Variants in TMEM210 observed in about 807,000 individuals in gnomAD.
TMEM210 encodes transmembrane protein 210.
Under a neutral mutation model 10.3 loss-of-function variants are expected in TMEM210, and 7 were observed. The observed-to-expected ratio is 0.68, with a 90% CI of 0.39 to 1.28. The LOEUF (loss-of-function observed/expected upper bound fraction) is 1.28, where lower values mean the gene tolerates loss of function less well. Ranked by LOEUF, TMEM210 falls within the 50% of genes most tolerant of loss-of-function variation. The pLI is 0.01. For missense variants in TMEM210, 185 were observed against 197.8 expected (o/e 0.94, Z 0.39); for synonymous variants, 79 against 81.2 (o/e 0.97, Z 0.14).
Position 137,171,666 on chromosome 9 carries a change from C to T in TMEM210, c.199G>A (p.Ala67Thr). Residue 67 changes from alanine to threonine, a missense_variant, in exon 2 of 4, where the codon GCA becomes ACA. Physicochemically the swap from Ala to Thr is moderately conservative, Grantham distance 58 (BLOSUM62 0). Coordinates refer to ENST00000413619, the MANE Select transcript of TMEM210 (RefSeq NM_001282477.2). ...ASCFCALVIV[A>T]IGVLRAKGET... ...CCCTTGGCCCGCAAGACACCAATTGCCACGATGACGAGGGCACAGAAGCAG... is the reference window on the plus strand; with the variant it reads ...CCCTTGGCCCGCAAGACACCAATTGTCACGATGACGAGGGCACAGAAGCAG... 6.5e-7 allele frequency: 1 copy of T among 1,535,248 alleles called. No individual in the cohort carries two copies. The highest frequency in any genetic ancestry group is 8.7e-7 in the Non-Finnish European group (1 of 1,146,414).
Position 137,171,720 on chromosome 9 carries a change from G to A in TMEM210, c.145C>T (p.Leu49Phe). Residue 49 changes from leucine to phenylalanine, a missense_variant, in exon 2 of 4, where the codon CTT becomes TTT. Coordinates refer to ENST00000413619, the MANE Select transcript of TMEM210 (RefSeq NM_001282477.2). ...GLSREALIAL[L>F]VVLAGISASC... Reference sequence around the variant, plus strand: ...GCACTGATGCCCGCCAGCACCACAAGGAGGGCGATGAGGGCCTCGCGGCTG... The same window carrying A: ...GCACTGATGCCCGCCAGCACCACAAAGAGGGCGATGAGGGCCTCGCGGCTG... 6.5e-7 allele frequency: 1 copy of A among 1,535,518 alleles called. No homozygotes were observed. Among genetic ancestry groups the A allele is most frequent in the Non-Finnish European group, 8.7e-7 (1 of 1,146,594 alleles).
intron 1 of TMEM210, 50 bp downstream of exon 1, chr9:137,171,890 G>T: frequency 1.4e-6 from 2 of 1,434,110 alleles, no homozygotes; most frequent in South Asian, 1.5e-5. Flanking sequence ...ACCTTGCCTG[G>T]GGAAGGGGAG....
rs545313323 is a variant in TMEM210, at chr9:137,171,881, C to A, written c.88+59G>T. 19 of 1,434,172 alleles carry A rather than the reference C, an allele frequency of 1.3e-5. No individual in the cohort carries two copies. In the Admixed American group the frequency reaches 4.0e-4, roughly 30 times the overall value. 88.8% of individuals were successfully genotyped at this position (1,434,172 alleles called of 1,614,324 possible). A position where few individuals can be genotyped will look rare whatever the true frequency, so the allele number is the denominator to read the frequency against. On this transcript the variant is annotated intron_variant, in intron 1 of 3. Transcript: ENST00000413619. ...CACCAGAAGGACACCAGAGCTCCCA[C>A]CTTGCCTGGGGAAGGGGAGCCATGG... is the stretch of plus-strand genomic sequence containing the variant.
Position 137,171,062 on chromosome 9 carries a change from T to A in TMEM210, c.357A>T (p.Pro119=). ...CCACAAGGCTCTGATCCTCTAGTGG[T>A]GGCACCAGGGAGACCTCCAGGTCAG... ...MDADLEVSLV[P]PLEDQSLVAI... The change falls in exon 4 of 4, where the codon CCA becomes CCT. Residue 119 remains proline (P), a synonymous_variant. Transcript: ENST00000413619. 1 of 1,535,330 alleles carries A rather than the reference T, an allele frequency of 6.5e-7. No homozygotes were observed. The highest frequency in any genetic ancestry group is 1.4e-5 in the African/African-American group (1 of 73,076).
intron 1 of TMEM210, 65 bp from the exon 2 acceptor site, chr9:137,171,841 C>G (rs1834115393): frequency 6.9e-7 from 1 of 1,454,938 alleles, no homozygotes; most frequent in Non-Finnish European, 9.1e-7. Context: ...CCAAGTCTGC[C>G]CCTGCCCTGG....
In TMEM210 at chr9:137,171,155, C is replaced by A. The variant is rs904227892; in HGVS notation, c.264G>T (p.Glu88Asp). The change falls in exon 4 of 4, where the codon GAG (glutamate) becomes GAT (aspartate). Residue 88 changes from glutamate to aspartate, a missense_variant. Physicochemically the swap from Glu to Asp is conservative, Grantham distance 45. Coordinates refer to ENST00000413619, the MANE Select transcript of TMEM210 (RefSeq NM_001282477.2). Reference protein sequence around the residue: ...CPRQVDNRLVENFGVQEDLMD... With the variant: ...CPRQVDNRLVDNFGVQEDLMD... ...TGAGATCTTCCTGGACCCCAAAATT[C>A]TCCACCAACCTGCATGACGGGCCGG... 6 of 1,534,744 alleles carry A rather than the reference C, an allele frequency of 3.9e-6. No individual in the cohort carries two copies. The Admixed American group carries it at 7.9e-5, about 20-fold the overall frequency.
chr9:137,171,899 A>G (rs1436055659), intron 1 of TMEM210, 41 bp downstream of exon 1: 3 of 1,433,792 alleles, frequency 2.1e-6, no homozygotes, highest in Non-Finnish European at 2.7e-6. Flanking sequence ...GGGGAAGGGG[A>G]GCCATGGCTG....
Position 137,171,692 on chromosome 9 carries a change from C to G in TMEM210, c.173G>C (p.Ser58Thr), listed in dbSNP as rs1834111544. Residue 58 changes from serine to threonine, a missense_variant, in exon 2 of 4, where the codon AGC becomes ACC. Coordinates refer to ENST00000413619, the MANE Select transcript of TMEM210 (RefSeq NM_001282477.2). ...LLVVLAGISASCFCALVIVAI... is the reference protein window; with the variant it reads ...LLVVLAGISATCFCALVIVAI... The stretch of plus-strand genomic sequence containing the variant: ...CACGATGACGAGGGCACAGAAGCAG[C>G]TGGCACTGATGCCCGCCAGCACCAC... 6.5e-7 allele frequency: 1 copy of G among 1,535,578 alleles called. No individual in the cohort carries two copies. Among genetic ancestry groups the G allele is most frequent in the Non-Finnish European group, 8.7e-7 (1 of 1,146,608 alleles).
intron 2 of TMEM210, 90 bp from the exon 3 acceptor site, chr9:137,171,533 C>T: frequency 6.5e-7 from 1 of 1,534,060 alleles, no homozygotes; most frequent in Non-Finnish European, 8.7e-7. Flanking sequence ...CATTCCTACC[C>T]CAGGTGACAG....
intron 3 of TMEM210, 21 bp downstream of exon 3, chr9:137,171,393 G>C (rs569633957): frequency 2.0e-6 from 3 of 1,535,250 alleles, no homozygotes; most frequent in Middle Eastern, 1.7e-4. Context: ...TGCCTCCCTC[G>C]AGGGCCTCCC....
At chr9:137,171,852 T>G in intron 1 of TMEM210, 76 bp from the exon 2 acceptor site, 1 of 1,446,754 alleles carries the variant, frequency 6.9e-7, no homozygotes. Context: ...CCTGCCCTGG[T>G]AGCCACCAGA....
At chr9:137,171,246 C>T (rs1834101050) in intron 3 of TMEM210, 82 bp from the exon 4 acceptor site, 5 of 1,482,690 alleles carry the variant, frequency 3.4e-6, no homozygotes, top group Non-Finnish European at 4.5e-6. Flanking sequence ...AGTGCACCCC[C>T]ACAAAGGGCC....
chr9:137,171,004 G>A lies in TMEM210; in HGVS notation c.415C>T (p.Pro139Ser), dbSNP rs564474749. 2 of 1,534,834 alleles carry A rather than the reference G, an allele frequency of 1.3e-6. No homozygotes were observed. The highest frequency in any genetic ancestry group is 2.7e-5 in the African/African-American group (2 of 73,082). Residue 139 changes from proline (P) to serine (S), a missense_variant, in exon 4 of 4, where the codon CCA becomes TCA. Coordinates refer to ENST00000413619, the MANE Select transcript of TMEM210 (RefSeq NM_001282477.2). Reference protein sequence around the residue: ...IPMEASSEEPPPPPPLPPE With the variant: ...IPMEASSEEPSPPPPLPPE ...TCAGGTGGTAGGGGCGGGGGTGGTG[G>A]CGGCTCCTCTGAAGAAGCCTCCATG...
At chr9:137,171,189 G>C in intron 3 of TMEM210, 25 bp from the exon 4 acceptor site, 1 of 1,529,658 alleles carries the variant, frequency 6.5e-7, no homozygotes, top group South Asian at 1.2e-5. Context: ...GGGTCATCAC[G>C]AGCTGGTAGA....
At chr9:137,171,913 G>T in intron 1 of TMEM210, 27 bp downstream of exon 1, 1 of 1,435,960 alleles carries the variant, frequency 7.0e-7, no homozygotes, top group Non-Finnish European at 9.1e-7. Context: ...ATGGCTGGGA[G>T]TGGAGTGCGG....
In TMEM210 at chr9:137,170,910, C is replaced by CA; in HGVS notation, c.*64dup. 2 of 1,457,464 alleles carry CA rather than the reference C, an allele frequency of 1.4e-6. No homozygotes were observed. Among genetic ancestry groups the CA allele is most frequent in the Non-Finnish European group, 1.8e-6 (2 of 1,096,992 alleles). The allele number at this position is 1,457,464 out of a possible 1,614,324, so 90.3% of individuals were successfully genotyped here. ...CCCCAGCTGCCCTCAGGAGGGCCTGCAGGGAGGACAGTGCACAGCCACTAA... is the reference window on the plus strand; with the variant it reads ...CCCCAGCTGCCCTCAGGAGGGCCTGCAAGGGAGGACAGTGCACAGCCACTAA... On this transcript the variant is annotated 3_prime_UTR_variant, in exon 4 of 4. Coordinates refer to ENST00000413619, the MANE Select transcript of TMEM210 (RefSeq NM_001282477.2).
rs1436055659 is a variant in TMEM210 at position 137,171,899 on chromosome 9, A to T, written c.88+41T>A. 4.9e-6 allele frequency: 7 copies of T among 1,433,792 alleles called. No individual in the cohort carries two copies. In the Admixed American group the frequency reaches 2.0e-4, roughly 41 times the overall value. 88.8% of individuals were successfully genotyped at this position (1,433,792 alleles called of 1,614,324 possible). A position where few individuals can be genotyped will look rare whatever the true frequency, so the allele number is the denominator to read the frequency against. On this transcript the variant is annotated intron_variant, in intron 1 of 3. Coordinates refer to ENST00000413619, the MANE Select transcript of TMEM210 (RefSeq NM_001282477.2). ...GCTCCCACCTTGCCTGGGGAAGGGG[A>T]GCCATGGCTGGGAGTGGAGTGCGGG...
In TMEM210 at chr9:137,171,786, C is replaced by A; in HGVS notation, c.89-10G>T. On this transcript the variant is annotated splice_polypyrimidine_tract_variant and intron_variant, in intron 1 of 3. Coordinates refer to ENST00000413619, the MANE Select transcript of TMEM210 (RefSeq NM_001282477.2). ...TCACAGTAGGTTCCAGCTGCAGAGACAGGGCCACATGGCCATGGGCCGGTC... is the reference window on the plus strand; with the variant it reads ...TCACAGTAGGTTCCAGCTGCAGAGAAAGGGCCACATGGCCATGGGCCGGTC... 1 of 1,524,752 alleles carries A rather than the reference C, an allele frequency of 6.6e-7. No individual in the cohort carries two copies. Among genetic ancestry groups the A allele is most frequent in the Non-Finnish European group, 8.8e-7 (1 of 1,140,328 alleles). 94.5% of individuals were successfully genotyped at this position (1,524,752 alleles called of 1,614,324 possible).
At chr9:137,171,187 A>G (rs1834099864) in intron 3 of TMEM210, 23 bp from the exon 4 acceptor site, 1 of 1,530,812 alleles carries the variant, frequency 6.5e-7, no homozygotes, top group African/African-American at 1.4e-5. Flanking sequence ...CCGGGTCATC[A>G]CGAGCTGGTA....
Sources: allele counts gnomAD v4.1 joint callset, GRCh38; gene constraint gnomAD v4.1.1; transcripts MANE v1.5; gene names NCBI Gene and HGNC (gene_info 2026-07-23, HGNC 2026-07-21).